The following INPP4B variants were observed in gnomAD, a reference collection of about 807,000 sequenced individuals.
INPP4B encodes inositol polyphosphate 4-phosphatase type II.
Under a neutral mutation model 122.5 loss-of-function variants are expected in INPP4B, and 55 were observed. That is an observed-to-expected ratio of 0.45 (90% CI 0.36 to 0.56). INPP4B has a LOEUF of 0.56. Among genes scored for constraint, INPP4B ranks in the 20% least tolerant of loss-of-function variants. The pLI, the probability that INPP4B is intolerant of heterozygous loss-of-function variation, is 0.00. For missense variants in INPP4B, 1,000 were observed against 1,097.7 expected (o/e 0.91, Z 1.26); for synonymous variants, 403 against 388.7 (o/e 1.04, Z -0.43).
At chr4:142,828,563 T>A (rs563118217) in intron 1 of INPP4B, among the ~76,000 whole-genome samples, 1 of 152,038 alleles carries the variant, frequency 6.6e-6, no homozygotes, top group Non-Finnish European at 1.5e-5. Flanking sequence ...AAAATGCAAA[T>A]CCTTGTTGGA....
At chr4:142,235,164 A>T (rs987709754) in intron 12 of INPP4B, among the ~76,000 whole-genome samples, 6 of 152,114 alleles carry the variant, frequency 3.9e-5, no homozygotes, top group African/African-American at 1.2e-4. Context: ...CAGTAGAAAG[A>T]CAGCGGCTCA....
At chr4:142,612,857 T>C (rs113453906) in intron 2 of INPP4B, among the ~76,000 whole-genome samples, 3 of 152,240 alleles carry the variant, frequency 2.0e-5, no homozygotes, top group African/African-American at 4.8e-5. Context: ...GTAGCACTCT[T>C]CTCACTTAGT....
chr4:142,074,570 G>A (rs1313264362), intron 25 of INPP4B, among the ~76,000 whole-genome samples: 1 of 152,070 alleles, frequency 6.6e-6, no homozygotes, highest in Non-Finnish European at 1.5e-5. Flanking sequence ...GGATATACAT[G>A]TGAGAATGTC....
At chr4:142,416,990 C>T (rs1805916049) in intron 5 of INPP4B, among the ~76,000 whole-genome samples, 1 of 152,080 alleles carries the variant, frequency 6.6e-6, no homozygotes, top group African/African-American at 2.4e-5. Flanking sequence ...GGAGCAAAAT[C>T]CACCAATTCA....
chr4:142,493,718 G>C (rs2149791839), intron 2 of INPP4B, among the ~76,000 whole-genome samples: 1 of 152,258 alleles, frequency 6.6e-6, no homozygotes, highest in Non-Finnish European at 1.5e-5. Context: ...TACAGGCTCA[G>C]GTGGAAGGGA....
At chr4:142,737,229 A>T (rs1367804528) in intron 1 of INPP4B, among the ~76,000 whole-genome samples, 1 of 152,156 alleles carries the variant, frequency 6.6e-6, no homozygotes, top group Non-Finnish European at 1.5e-5. Flanking sequence ...AGGCTACAGT[A>T]ACCAAAACAG....
intron 2 of INPP4B, among the ~76,000 whole-genome samples, chr4:142,578,716 G>C (rs1218082816): frequency 6.6e-6 from 1 of 151,850 alleles, no homozygotes; most frequent in Non-Finnish European, 1.5e-5. Flanking sequence ...AGGTACTGGG[G>C]GTTAGGGATT....
At chr4:142,624,685 G>C (rs578150643) in intron 2 of INPP4B, among the ~76,000 whole-genome samples, 3 of 152,226 alleles carry the variant, frequency 2.0e-5, no homozygotes, top group South Asian at 4.1e-4. Flanking sequence ...CCAAAAAAGA[G>C]AATTTTAGAC....
At chr4:142,242,932 C>T (rs1295070327) in intron 11 of INPP4B, among the ~76,000 whole-genome samples, 2 of 151,992 alleles carry the variant, frequency 1.3e-5, no homozygotes, top group East Asian at 3.9e-4. Flanking sequence ...TCTTTTTTTC[C>T]TCCTGCACTT....
chr4:142,087,337 C>T (rs776855383), intron 23 of INPP4B, among the ~76,000 whole-genome samples: 39 of 152,166 alleles, frequency 2.6e-4, no homozygotes, highest in Non-Finnish European at 3.5e-4. Flanking sequence ...ACTGGTTGCT[C>T]AGATTTCTGC....
chr4:142,402,125 T>C (rs1039686153), intron 7 of INPP4B, among the ~76,000 whole-genome samples: 1 of 152,176 alleles, frequency 6.6e-6, no homozygotes, highest in Admixed American at 6.5e-5. Context: ...AGAACTCTCC[T>C]GGAACCCACT....
chr4:142,030,153 G>C lies in INPP4B; in HGVS notation c.2643-1239C>G, dbSNP rs567523317. 35 of 1,535,068 alleles carry C rather than the reference G, an allele frequency of 2.3e-5. No homozygotes were observed. In the South Asian group the frequency reaches 4.2e-4, roughly 18 times the overall value. On this transcript the variant is annotated intron_variant, in intron 25 of 25. Coordinates refer to ENST00000262992, the MANE Select transcript of INPP4B (RefSeq NM_001101669.3). ...TTATTGGTATTTGGCTAAGAGTAAC[G>C]CCAGACTTAAAATAAGCCACACAAC...
intron 25 of INPP4B, among the ~76,000 whole-genome samples, chr4:142,068,668 C>G (rs959100731): frequency 6.6e-6 from 1 of 152,058 alleles, no homozygotes; most frequent in Non-Finnish European, 1.5e-5. Context: ...CAAAAAAAAG[C>G]AGGGGTTGCC....
At chr4:142,449,966 C>G (rs779850402) in intron 3 of INPP4B, among the ~76,000 whole-genome samples, 7 of 152,176 alleles carry the variant, frequency 4.6e-5, no homozygotes, top group South Asian at 2.1e-4. Context: ...GTCCTACCAT[C>G]AGCACTTCCC....
intron 1 of INPP4B, among the ~76,000 whole-genome samples, chr4:142,832,291 T>C (rs898796411): frequency 9.9e-5 from 15 of 152,122 alleles, no homozygotes; most frequent in Non-Finnish European, 2.9e-5. Flanking sequence ...CTATAATGTG[T>C]TTTAGACCAT....
intron 7 of INPP4B, among the ~76,000 whole-genome samples, chr4:142,320,009 T>G (rs1401103182): frequency 6.6e-6 from 1 of 152,010 alleles, no homozygotes; most frequent in Non-Finnish European, 1.5e-5. Flanking sequence ...TGGAGAAAAA[T>G]GTGCTTCAAA....
At chr4:142,706,214 G>A (rs145669630) in intron 2 of INPP4B, among the ~76,000 whole-genome samples, 85 of 152,276 alleles carry the variant, frequency 5.6e-4, no homozygotes, top group Non-Finnish European at 9.4e-4. Context: ...CTAAGCCCTC[G>A]AGGCCATTAC....
intron 2 of INPP4B, among the ~76,000 whole-genome samples, chr4:142,633,529 G>A (rs1338342406): frequency 6.6e-6 from 1 of 152,086 alleles, no homozygotes; most frequent in Non-Finnish European, 1.5e-5. Flanking sequence ...ATACAAAACA[G>A]TATGTGTACA....
At chr4:142,220,686 G>T (rs531585423) in intron 12 of INPP4B, among the ~76,000 whole-genome samples, 1 of 152,204 alleles carries the variant, frequency 6.6e-6, no homozygotes, top group Admixed American at 6.5e-5. Context: ...AAAATATCAT[G>T]GACTTGGTGG....
Sources: gnomAD v4.1 joint callset for allele counts (sites outside exome capture counted in the v4.1 genomes callset) on GRCh38, gnomAD v4.1.1 for gene constraint, MANE v1.5 for transcripts, NCBI Gene and HGNC (gene_info 2026-07-23, HGNC 2026-07-21) for gene names.